The following ESR1 variants were observed in gnomAD, a reference collection of about 807,000 sequenced individuals.
The protein encoded by ESR1 is estrogen receptor.
Under a neutral mutation model 52.7 loss-of-function variants are expected in ESR1, and 12 were observed. The observed-to-expected ratio is 0.23, with a 90% CI of 0.15 to 0.37. The LOEUF (loss-of-function observed/expected upper bound fraction) is 0.37. Among genes scored for constraint, ESR1 ranks in the 10% least tolerant of loss-of-function variants. The pLI is 1.00. For synonymous variants in ESR1, 305 were observed against 316.8 expected (o/e 0.96, Z 0.39); for missense variants, 584 against 779.7 (o/e 0.75, Z 2.99).
chr6:151,899,353 A>C (rs1584058810), intron 3 of ESR1, among the ~76,000 whole-genome samples: 1 of 86,144 alleles, frequency 1.2e-5, no homozygotes. Flanking sequence ...CGGGGGGCTG[A>C]CCCCCCCACC....
At chr6:151,855,712 T>C (rs2128271983) in intron 2 of ESR1, among the ~76,000 whole-genome samples, 1 of 152,294 alleles carries the variant, frequency 6.6e-6, no homozygotes, top group East Asian at 1.9e-4. Context: ...AATTCAGCAC[T>C]ATAAGTGATG....
chr6:151,674,034 T>G (rs2082317051), intron 1 of ESR1, among the ~76,000 whole-genome samples: 1 of 152,190 alleles, frequency 6.6e-6, no homozygotes. Context: ...AAAATTTTAC[T>G]TTAAGTTCTG....
chr6:152,065,608 T>G (rs1175891130), intron 6 of ESR1, among the ~76,000 whole-genome samples: 2 of 152,204 alleles, frequency 1.3e-5, no homozygotes, highest in Non-Finnish European at 2.9e-5. Context: ...CCTCCCTCCC[T>G]GGTAACTTTA....
At chr6:151,666,859 T>G (rs1393336972) in intron 1 of ESR1, among the ~76,000 whole-genome samples, 1 of 151,948 alleles carries the variant, frequency 6.6e-6, no homozygotes, top group African/African-American at 2.4e-5. Context: ...CCAGCAGAGT[T>G]AAATAGTGGA....
chr6:151,657,932 G>C (rs1777511527), intron 1 of ESR1, among the ~76,000 whole-genome samples: 1 of 152,056 alleles, frequency 6.6e-6, no homozygotes, highest in African/African-American at 2.4e-5. Flanking sequence ...ACTCTTTTAA[G>C]CTTTATGTTT....
intron 3 of ESR1, among the ~76,000 whole-genome samples, chr6:151,941,936 C>G (rs1433014370): frequency 6.6e-6 from 1 of 152,210 alleles, no homozygotes; most frequent in Non-Finnish European, 1.5e-5. Context: ...TTTCCTTTCT[C>G]TAGGCTAACC....
At chr6:151,965,826 G>A (rs2038206164) in intron 4 of ESR1, among the ~76,000 whole-genome samples, 1 of 141,016 alleles carries the variant, frequency 7.1e-6, no homozygotes, top group Non-Finnish European at 1.5e-5. Flanking sequence ...GGTTGATAAG[G>A]TTTATAATAG....
At chr6:151,788,006 C>A (rs910028424) in intron 2 of ESR1, among the ~76,000 whole-genome samples, 24 of 151,978 alleles carry the variant, frequency 1.6e-4, no homozygotes, top group African/African-American at 5.6e-4. Flanking sequence ...CTCTAAGAAC[C>A]CTGGAAGACT....
In ESR1 at chr6:151,796,807, A is replaced by C. The variant is rs142337296; in HGVS notation, c.-70-11036A>C. Among the ~76,000 whole-genome samples the C allele has an allele frequency of 8.8e-3, 1,348 of 152,334 alleles. 5 individuals carry two copies. Among genetic ancestry groups the C allele is most frequent in the Non-Finnish European group, 0.013 (876 of 68,030 alleles). On this transcript the variant is annotated intron_variant, in intron 2 of 2. Coordinates refer to the ESR1 transcript ENST00000404742. ...AACTGGTGGTTGTCAAAGCAGTCTG[A>C]AGGAAAAGTCTCCAGAACTGGTGAT...
In ESR1 at chr6:151,808,158, C is replaced by A. The variant is rs754327679; in HGVS notation, c.246C>A (p.Pro82=). The A allele has an allele frequency of 6.3e-6, 10 of 1,595,430 alleles. No homozygotes were observed. Among genetic ancestry groups the A allele is most frequent in the Non-Finnish European group, 7.7e-6 (9 of 1,171,570 alleles). Residue 82 remains proline, a synonymous_variant, in exon 1 of 8, where the codon CCC becomes CCA. Coordinates refer to ENST00000206249, the MANE Select transcript of ESR1 (RefSeq NM_000125.4). ...VYGQTGLPYG[P]GSEAAAFGSN... is the part of the protein sequence containing the mutation. ...GTCAGACCGGCCTCCCCTACGGCCCCGGGTCTGAGGCTGCGGCGTTCGGCT... is the reference window on the plus strand; with the variant it reads ...GTCAGACCGGCCTCCCCTACGGCCCAGGGTCTGAGGCTGCGGCGTTCGGCT...
intron 2 of ESR1, among the ~76,000 whole-genome samples, chr6:151,742,908 G>A (rs1034548989): frequency 6.6e-6 from 1 of 152,180 alleles, no homozygotes; most frequent in Non-Finnish European, 1.5e-5. Context: ...TCTCACAGAT[G>A]GTTGAGAATA....
Position 152,098,972 on chromosome 6 carries a change from C to A in ESR1, c.*6C>A. The A allele has an allele frequency of 1.2e-6, 2 of 1,608,800 alleles. No homozygotes were observed. The highest frequency in any genetic ancestry group is 1.7e-6 in the Non-Finnish European group (2 of 1,175,246). On this transcript the variant is annotated 3_prime_UTR_variant, in exon 8 of 8. Coordinates refer to ENST00000206249, the MANE Select transcript of ESR1 (RefSeq NM_000125.4). The surrounding 1 kb of genome is among the most constrained non-coding windows in gnomAD (Gnocchi z 5.1). Reference sequence around the variant, plus strand: ...GTTTCCCTGCCACGGTCTGAGAGCTCCCTGGCTCCCACACGGTTCAGATAA... The same window carrying A: ...GTTTCCCTGCCACGGTCTGAGAGCTACCTGGCTCCCACACGGTTCAGATAA...
intron 2 of ESR1, among the ~76,000 whole-genome samples, chr6:151,856,752 C>A (rs1787914817): frequency 6.6e-6 from 1 of 152,174 alleles, no homozygotes. Flanking sequence ...CCTGTTCTGA[C>A]TGCATTTCTC....
chr6:151,991,490 A>G (rs761601121), intron 4 of ESR1, among the ~76,000 whole-genome samples: 16 of 152,132 alleles, frequency 1.1e-4, no homozygotes, highest in Non-Finnish European at 2.2e-4. Flanking sequence ...ATACGGTTGA[A>G]GGAAAATTAG....
chr6:151,825,928 A>AG lies in ESR1; in HGVS notation c.453-16669_453-16668insG, dbSNP rs1554263029. On this transcript the variant is annotated intron_variant, in intron 1 of 7. Coordinates refer to ENST00000206249, the MANE Select transcript of ESR1 (RefSeq NM_000125.4). Reference sequence around the variant, plus strand: ...TCCATCTCAAAAAAAAAAAAAAAAAAAAAGAAAGAAATGTGTTTTCCAGGG... The same window carrying AG: ...TCCATCTCAAAAAAAAAAAAAAAAAAGAAAGAAAGAAATGTGTTTTCCAGGG... Among the ~76,000 whole-genome samples the AG allele has an allele frequency of 8.6e-5, 13 of 150,610 alleles. No homozygotes were observed. In the East Asian group the frequency reaches 1.2e-3, roughly 13 times the overall value.
intron 2 of ESR1, among the ~76,000 whole-genome samples, chr6:151,845,350 C>T (rs1273367999): frequency 6.6e-6 from 1 of 152,054 alleles, no homozygotes; most frequent in Non-Finnish European, 1.5e-5. Context: ...GCGAGTGGAT[C>T]ACAAGGTCAG....
chr6:152,035,772 A>G (rs1027576100), intron 5 of ESR1, among the ~76,000 whole-genome samples: 4 of 152,204 alleles, frequency 2.6e-5, no homozygotes, highest in Non-Finnish European at 4.4e-5. Flanking sequence ...CATTTATGAA[A>G]AACTGACCTA....
rs2152506300 is a variant in ESR1 at position 152,098,741 on chromosome 6, C to T, written c.1563C>T (p.Gly521=). ...GTCTTCCCACCTACAGTAACAAAGG[C>T]ATGGAGCATCTGTACAGCATGAAGT... ...LSHIRHMSNK[G]MEHLYSMKCK... is the part of the protein sequence containing the mutation. Residue 521 remains glycine, a synonymous_variant, in exon 8 of 8, where the codon GGC becomes GGT. Coordinates refer to ENST00000206249, the MANE Select transcript of ESR1 (RefSeq NM_000125.4). This position sits in a 1 kb window ranked among gnomAD's most constrained non-coding sequence, Gnocchi z 5.1. 6.2e-7 allele frequency: 1 copy of T among 1,613,960 alleles called. No homozygotes were observed. The highest frequency in any genetic ancestry group is 2.2e-5 in the East Asian group (1 of 44,874).
intron 2 of ESR1, among the ~76,000 whole-genome samples, chr6:151,765,164 A>G (rs1310517535): frequency 6.6e-6 from 1 of 152,208 alleles, no homozygotes; most frequent in Non-Finnish European, 1.5e-5. Context: ...TTTGTACTAA[A>G]CATTTGAAAT....
Sources: allele counts gnomAD v4.1 joint callset (sites outside exome capture counted in the v4.1 genomes callset), GRCh38; gene constraint gnomAD v4.1.1; non-coding constraint Gnocchi (gnomAD v3.1); transcripts MANE v1.5; gene names NCBI Gene and HGNC (gene_info 2026-07-23, HGNC 2026-07-21).